SAMMSON: variants seen among roughly 807,000 people sequenced by gnomAD.
SAMMSON encodes the protein survival associated mitochondrial melanoma specific oncogenic non-coding RNA.
rs371024158 is a variant in SAMMSON at position 70,240,131 on chromosome 3, A to C, written n.508-8976A>C. Among the ~76,000 whole-genome samples, 4 of 152,260 alleles carry C rather than the reference A, an allele frequency of 2.6e-5. No homozygotes were observed. In the East Asian group the frequency reaches 5.8e-4, roughly 22 times the overall value. On this transcript the variant is annotated intron_variant and non_coding_transcript_variant, in intron 4 of 9. Coordinates refer to ENST00000642114, the Ensembl canonical transcript of SAMMSON. ...CCAAGATAAGCAAGGACTTAATGTA[A>C]ATTTTTAAAATAAGAGACGTATTTT...
At chr3:70,146,877 A>C (rs1034635495) in intron 4 of SAMMSON, among the ~76,000 whole-genome samples, 3 of 152,026 alleles carry the variant, frequency 2.0e-5, no homozygotes, top group Non-Finnish European at 2.9e-5. Context: ...GGAAAAGAAG[A>C]AATAAGACCG....
chr3:70,320,493 G>A (rs1702528997), intron 7 of SAMMSON, among the ~76,000 whole-genome samples: 1 of 152,008 alleles, frequency 6.6e-6, no homozygotes, highest in South Asian at 2.1e-4. Flanking sequence ...TAATGGCATC[G>A]TATATTTTGT....
intron 4 of SAMMSON, among the ~76,000 whole-genome samples, chr3:70,164,475 A>G (rs1034271490): frequency 1.3e-5 from 2 of 152,040 alleles, no homozygotes; most frequent in African/African-American, 2.4e-5. Flanking sequence ...AATAGTACTT[A>G]TTGCATGAAT....
At position 70,026,269 on chromosome 3, in the gene SAMMSON, A is replaced by G. The variant is rs547103997; in HGVS notation, n.417+12597A>G. Among the ~76,000 whole-genome samples the G allele has an allele frequency of 3.0e-4, 46 of 152,260 alleles. 2 individuals carry two copies. Among genetic ancestry groups the G allele is most frequent in the South Asian group, 2.3e-3 (11 of 4,808 alleles). On this transcript the variant is annotated intron_variant and non_coding_transcript_variant, in intron 3 of 9. Coordinates refer to ENST00000642114, the Ensembl canonical transcript of SAMMSON. ...TGAGAACAGGATTTCTGATTTCAGG[A>G]ACTAGTGTTCCTGATTTAGTGTAGT...
chr3:70,403,504 G>A (rs748870678), intron 2 of SAMMSON, among the ~76,000 whole-genome samples: 3 of 152,120 alleles, frequency 2.0e-5, no homozygotes, highest in Admixed American at 6.5e-5. Flanking sequence ...ACTGTAGATC[G>A]CAGATTGGCA....
chr3:70,148,491 A>G (rs1016168920), intron 4 of SAMMSON, among the ~76,000 whole-genome samples: 2 of 152,096 alleles, frequency 1.3e-5, no homozygotes, highest in Non-Finnish European at 2.9e-5. Flanking sequence ...GAGACTGAGT[A>G]ATTTATAAAG....
At chr3:70,054,151 G>C (rs1008485347) in intron 3 of SAMMSON, among the ~76,000 whole-genome samples, 2 of 152,084 alleles carry the variant, frequency 1.3e-5, no homozygotes, top group African/African-American at 4.8e-5. Context: ...AAGAAATCTT[G>C]CTTTAGATTT....
At chr3:70,019,344 C>G (rs2067000703) in intron 3 of SAMMSON, among the ~76,000 whole-genome samples, 1 of 152,168 alleles carries the variant, frequency 6.6e-6, no homozygotes, top group Admixed American at 6.6e-5. Flanking sequence ...TAATGGCCTT[C>G]TTTGTCTCTT....
chr3:70,354,813 C>T (rs1222000367), intron 8 of SAMMSON, among the ~76,000 whole-genome samples: 3 of 152,200 alleles, frequency 2.0e-5, no homozygotes, highest in Admixed American at 1.3e-4. Context: ...AGCGTTCCTT[C>T]CCTCTGTCCT....
intron 4 of SAMMSON, among the ~76,000 whole-genome samples, chr3:70,077,810 AT>A (rs1468294306): frequency 6.6e-6 from 1 of 152,136 alleles, no homozygotes; most frequent in Non-Finnish European, 1.5e-5. Context: ...TCCATTAGTA[AT>A]AGATACGCTG....
chr3:70,267,675 C>T (rs1415726710), intron 6 of SAMMSON, among the ~76,000 whole-genome samples: 1 of 151,488 alleles, frequency 6.6e-6, no homozygotes, highest in Non-Finnish European at 1.5e-5. Context: ...CTCGGCCTCC[C>T]AGAGTGCTGG....
intron 6 of SAMMSON, among the ~76,000 whole-genome samples, chr3:70,253,742 A>G (rs1485366705): frequency 2.6e-5 from 4 of 152,176 alleles, no homozygotes; most frequent in African/African-American, 7.2e-5. Flanking sequence ...TAAAAATACA[A>G]ATAAAAAAAG....
intron 1 of SAMMSON, chr3:69,999,870 G>C (rs1039263402): frequency 3.3e-5 from 5 of 152,316 alleles, no homozygotes; most frequent in Non-Finnish European, 7.3e-5. Flanking sequence ...GGGACAAGGT[G>C]GAGTTTGGCT....
intron 4 of SAMMSON, among the ~76,000 whole-genome samples, chr3:70,143,452 T>A (rs1202776950): frequency 6.6e-6 from 1 of 152,134 alleles, no homozygotes; most frequent in Non-Finnish European, 1.5e-5. Flanking sequence ...GTTTTTCGTG[T>A]ACCCATTCTC....
At chr3:70,274,097 G>GCA (rs1701999845) in intron 6 of SAMMSON, among the ~76,000 whole-genome samples, 2 of 151,084 alleles carry the variant, frequency 1.3e-5, no homozygotes, top group South Asian at 4.2e-4. Flanking sequence ...GTGTGCGCGC[G>GCA]CGCATGTGTG....
At chr3:70,119,412 T>C (rs1012404382) in intron 4 of SAMMSON, among the ~76,000 whole-genome samples, 1 of 152,206 alleles carries the variant, frequency 6.6e-6, no homozygotes, top group Admixed American at 6.5e-5. Context: ...AAACGGTAAT[T>C]GAATTCCATG....
chr3:70,039,059 CAGAG>C (rs2067096698), intron 3 of SAMMSON, among the ~76,000 whole-genome samples: 1 of 151,956 alleles, frequency 6.6e-6, no homozygotes, highest in Non-Finnish European at 1.5e-5. Context: ...TGTGAACAGA[CAGAG>C]AGAGAAAGAA....
At chr3:70,277,939 T>C (rs1702043383) in intron 6 of SAMMSON, among the ~76,000 whole-genome samples, 1 of 152,160 alleles carries the variant, frequency 6.6e-6, no homozygotes, top group African/African-American at 2.4e-5. Flanking sequence ...GCCCTCTCAA[T>C]GTTTTAAATT....
chr3:70,241,187 TA>T (rs1701664911), intron 4 of SAMMSON, among the ~76,000 whole-genome samples: 2 of 152,132 alleles, frequency 1.3e-5, no homozygotes, highest in Non-Finnish European at 2.9e-5. Flanking sequence ...GAAGAATTGC[TA>T]GAACGGTTCC....
Sources: allele counts gnomAD v4.1 joint callset (sites outside exome capture counted in the v4.1 genomes callset), GRCh38; gene constraint gnomAD v4.1.1; transcripts MANE v1.5; gene names NCBI Gene and HGNC (gene_info 2026-07-23, HGNC 2026-07-21).